The following LPCAT1 variants were observed in gnomAD, a reference collection of about 807,000 sequenced individuals.
LPCAT1 encodes lysophosphatidylcholine acyltransferase 1.
A neutral mutation model predicts 60.9 loss-of-function variants in LPCAT1; 23 were observed. The observed-to-expected ratio is 0.38, with a 90% confidence interval of 0.27 to 0.53. The LOEUF (loss-of-function observed/expected upper bound fraction) is 0.53. Among genes scored for constraint, LPCAT1 ranks in the 20% least tolerant of loss-of-function variants. LPCAT1 has a pLI of 0.82. For synonymous variants in LPCAT1, 340 were observed against 301.1 expected (o/e 1.13, Z -1.34); for missense variants, 622 against 723.6 (o/e 0.86, Z 1.61).
In LPCAT1 at chr5:1,476,592, C is replaced by G. The variant is rs34510849; in HGVS notation, c.899+812G>C. Among the ~76,000 whole-genome samples the G allele has an allele frequency of 0.29, 44,028 of 151,894 alleles. 6,935 individuals carry two copies. Among genetic ancestry groups the G allele is most frequent in the Non-Finnish European group, 0.36 (24,143 of 67,920 alleles). The stretch of plus-strand genomic sequence containing the variant: ...GAGCCTGGGGGTGGGGCCGGTGGAC[C>G]GAGGCTGATGTGGCTTCCAAGTGGC... On this transcript the variant is annotated intron_variant, in intron 9 of 13. Coordinates refer to ENST00000283415, the MANE Select transcript of LPCAT1 (RefSeq NM_024830.5). The surrounding 1 kb of genome is among the most constrained non-coding windows in gnomAD (Gnocchi z 8.6).
rs139981388 is a variant in LPCAT1, at chr5:1,501,583, C to T, written c.156G>A (p.Thr52=). The part of the protein sequence containing the change: ...QKAQVALMTL[T]LFPVRLLVAA... ...CAACCAGGAGCCGGACCGGGAAGAG[C>T]GTCAGTGTCATGAGGGCCACCTGCA... Residue 52 remains threonine, a synonymous_variant, in exon 2 of 14, where the codon ACG becomes ACA. Coordinates refer to ENST00000283415, the MANE Select transcript of LPCAT1 (RefSeq NM_024830.5). 2.0e-5 allele frequency: 32 copies of T among 1,613,836 alleles called. No homozygotes were observed. Among genetic ancestry groups the T allele is most frequent in the Non-Finnish European group, 2.0e-5 (24 of 1,179,866 alleles).
chr5:1,497,601 G>C (rs1735842592), intron 2 of LPCAT1, among the ~76,000 whole-genome samples: 1 of 152,236 alleles, frequency 6.6e-6, no homozygotes. Context: ...AGCTGGGTCA[G>C]GGACGGCCCC....
intron 1 of LPCAT1, among the ~76,000 whole-genome samples, chr5:1,504,103 T>C (rs1051923436): frequency 6.6e-6 from 1 of 152,258 alleles, no homozygotes; most frequent in Non-Finnish European, 1.5e-5. Context: ...TTTCAACTTT[T>C]TGAGGGAAAA....
intron 2 of LPCAT1, among the ~76,000 whole-genome samples, chr5:1,500,227 T>C (rs893526613): frequency 1.3e-5 from 2 of 152,266 alleles, no homozygotes; most frequent in African/African-American, 2.4e-5. Flanking sequence ...ATGGAAGGGT[T>C]GTCAGAGCTG....
intron 7 of LPCAT1, 25 bp from the exon 8 acceptor site, chr5:1,479,700 G>C (rs1469268218): frequency 6.3e-7 from 1 of 1,588,334 alleles, no homozygotes; most frequent in South Asian, 1.1e-5. Context: ...GCACAATGTT[G>C]AGCAGATTTA....
intron 2 of LPCAT1, 125 bp downstream of exon 2, chr5:1,501,336 G>T: frequency 1.5e-6 from 2 of 1,339,430 alleles, no homozygotes; most frequent in South Asian, 1.4e-5. Context: ...GGTGGACGCT[G>T]GGCTCAGAAG....
chr5:1,512,214 G>C (rs1435270692), intron 1 of LPCAT1, among the ~76,000 whole-genome samples: 1 of 152,198 alleles, frequency 6.6e-6, no homozygotes, highest in African/African-American at 2.4e-5. Flanking sequence ...AGTCGCAGTG[G>C]GGCTATGTGC....
chr5:1,473,059 C>T (rs1161822734), intron 11 of LPCAT1, among the ~76,000 whole-genome samples: 1 of 152,022 alleles, frequency 6.6e-6, no homozygotes, highest in East Asian at 1.9e-4. Context: ...TCTCCTGCTC[C>T]TCCTGCTCTC....
rs958176576 is a variant in LPCAT1, at chr5:1,499,583, T to A, written c.278+1878A>T. Among the ~76,000 whole-genome samples, 6 of 152,190 alleles carry A rather than the reference T, an allele frequency of 3.9e-5. 1 individual carries two copies. Among genetic ancestry groups the A allele is most frequent in the African/African-American group, 1.4e-4 (6 of 41,448 alleles). ...ATAAAGCATAAGAGAATTTTAAAAA[T>A]CTAGAAAGGCTAAATGAAGAACTAA... On this transcript the variant is annotated intron_variant, in intron 2 of 13. Transcript: ENST00000283415.
At chr5:1,466,669 G>T in intron 13 of LPCAT1, 80 bp downstream of exon 13, 4 of 1,446,752 alleles carry the variant, frequency 2.8e-6, no homozygotes, top group Non-Finnish European at 3.7e-6. Flanking sequence ...CCTGTCCTGG[G>T]CTCCCACGGA....
At chr5:1,506,629 G>A (rs1736195698) in intron 1 of LPCAT1, among the ~76,000 whole-genome samples, 1 of 152,342 alleles carries the variant, frequency 6.6e-6, no homozygotes, top group East Asian at 1.9e-4. Flanking sequence ...TGGCAGGGGT[G>A]GCCAAGGGAG....
rs779653433 is a variant in LPCAT1 at position 1,477,983 on chromosome 5, A to G, written c.817-497T>C. Among the ~76,000 whole-genome samples, 174 of 146,750 alleles carry G rather than the reference A, an allele frequency of 1.2e-3. No homozygotes were observed. The highest frequency in any genetic ancestry group is 1.8e-3 in the Non-Finnish European group (118 of 66,340). ...TACACTCACCCCCGTCAGTGCTCCT[A>G]GGAGCTCCTGCTGCCTACATCAGAA... On this transcript the variant is annotated intron_variant, in intron 8 of 13. Transcript: ENST00000283415. The surrounding 1 kb of genome is among the most constrained non-coding windows in gnomAD (Gnocchi z 6.0).
chr5:1,473,945 G>C lies in LPCAT1; in HGVS notation c.1179+12C>G. 1 of 1,612,330 alleles carries C rather than the reference G, an allele frequency of 6.2e-7. No individual in the cohort carries two copies. The highest frequency in any genetic ancestry group is 8.5e-7 in the Non-Finnish European group (1 of 1,178,786). Reference sequence around the variant, plus strand: ...TTTGCCGACACCCCGCTCCGCAGGCGACAGGCCCTACCTCGTCGAACAGTG... The same window carrying C: ...TTTGCCGACACCCCGCTCCGCAGGCCACAGGCCCTACCTCGTCGAACAGTG... On this transcript the variant is annotated intron_variant, in intron 11 of 13. Transcript: ENST00000283415.
rs559264750 is a variant in LPCAT1 at position 1,492,640 on chromosome 5, C to T, written c.493+2060G>A. Among the ~76,000 whole-genome samples, 152 of 152,348 alleles carry T rather than the reference C, an allele frequency of 1.0e-3. 1 individual carries two copies. The highest frequency in any genetic ancestry group is 3.4e-3 in the African/African-American group (143 of 41,574). On this transcript the variant is annotated intron_variant, in intron 3 of 13. Coordinates refer to ENST00000283415, the MANE Select transcript of LPCAT1 (RefSeq NM_024830.5). ...GAGGGCCCTGCACACAGCAGCATGG[C>T]TGTGGCCATTCTTCCTGCTGCGCCG...
chr5:1,464,920 G>A (rs1285348566), intron 13 of LPCAT1, among the ~76,000 whole-genome samples: 6 of 147,798 alleles, frequency 4.1e-5, no homozygotes, highest in African/African-American at 1.3e-4. Flanking sequence ...ACACATGCGT[G>A]CACACACAAA....
intron 4 of LPCAT1, among the ~76,000 whole-genome samples, 168 bp downstream of exon 4, chr5:1,489,578 C>T (rs1735495932): frequency 6.6e-6 from 1 of 152,308 alleles, no homozygotes; most frequent in Middle Eastern, 3.4e-3. Flanking sequence ...TTTCGGGCAC[C>T]GAAACCAAAT....
chr5:1,466,127 C>T (rs368766292), intron 13 of LPCAT1, among the ~76,000 whole-genome samples: 21 of 152,368 alleles, frequency 1.4e-4, no homozygotes, highest in East Asian at 1.3e-3. Context: ...GTGGATGCAG[C>T]GTAGCTCATT....
At chr5:1,468,464 G>A (rs1734530957) in intron 12 of LPCAT1, among the ~76,000 whole-genome samples, 1 of 152,210 alleles carries the variant, frequency 6.6e-6, no homozygotes. Context: ...GTGGTTGCAA[G>A]GCTGCTTCAG....
rs776599326 is a variant in LPCAT1, at chr5:1,483,536, G to A, written c.668-50C>T. ...TGCCCATGGCAGCCCACGCAGGACA[G>A]CGTCTGCTGCGTTTCTCATGCTGCC... On this transcript the variant is annotated intron_variant, in intron 5 of 13. Transcript: ENST00000283415. This position sits in a 1 kb window ranked among gnomAD's most constrained non-coding sequence, Gnocchi z 9.2. 31 of 1,574,680 alleles carry A rather than the reference G, an allele frequency of 2.0e-5. No homozygotes were observed. Among genetic ancestry groups the A allele is most frequent in the Non-Finnish European group, 2.5e-5 (29 of 1,147,174 alleles).
Sources: gnomAD v4.1 joint callset for allele counts (sites outside exome capture counted in the v4.1 genomes callset) on GRCh38, gnomAD v4.1.1 for gene constraint, Gnocchi (gnomAD v3.1) non-coding constraint, MANE v1.5 for transcripts, NCBI Gene and HGNC (gene_info 2026-07-23, HGNC 2026-07-21) for gene names.